The following PRKCE variants were observed in gnomAD, a reference collection of about 807,000 sequenced individuals.
PRKCE encodes protein kinase C epsilon type.
Under a neutral mutation model 85.4 loss-of-function variants are expected in PRKCE, and 16 were observed. The observed-to-expected ratio is 0.19, with a 90% CI of 0.13 to 0.28. The LOEUF (loss-of-function observed/expected upper bound fraction) is 0.28, where lower values mean the gene tolerates loss of function less well. PRKCE is among the 10% of genes least tolerant of loss of function. The pLI is 1.00. For synonymous variants in PRKCE, 388 were observed against 371.5 expected, an observed-to-expected ratio of 1.04 and a Z score of -0.51; for missense variants, 573 against 975.2, an observed-to-expected ratio of 0.59 and a Z score of 5.49.
chr2:45,892,076 C>T (rs1695763301), intron 2 of PRKCE, among the ~76,000 whole-genome samples: 1 of 152,240 alleles, frequency 6.6e-6, no homozygotes, highest in African/African-American at 2.4e-5. Context: ...AGCTTCTCTC[C>T]ATGTAAGCAG....
intron 2 of PRKCE, among the ~76,000 whole-genome samples, chr2:45,955,086 C>G (rs1395474337): frequency 6.6e-6 from 1 of 151,684 alleles, no homozygotes; most frequent in African/African-American, 2.4e-5. Context: ...CGCACTCCAT[C>G]AAGTACTCCA....
At chr2:45,790,187 GAGAGCA>G (rs1298016869) in intron 1 of PRKCE, among the ~76,000 whole-genome samples, 2 of 152,204 alleles carry the variant, frequency 1.3e-5, no homozygotes, top group Non-Finnish European at 2.9e-5. Context: ...ATGCATAAAT[GAGAGCA>G]TCCTTCAGCC....
intron 10 of PRKCE, among the ~76,000 whole-genome samples, chr2:46,020,478 A>C (rs1030465478): frequency 6.6e-6 from 1 of 152,078 alleles, no homozygotes; most frequent in South Asian, 2.1e-4. Context: ...GAAGGTCTCC[A>C]TTACAAATGT....
At chr2:45,718,370 G>C (rs1680325999) in intron 1 of PRKCE, among the ~76,000 whole-genome samples, 1 of 131,316 alleles carries the variant, frequency 7.6e-6, no homozygotes, top group Admixed American at 8.5e-5. Flanking sequence ...TTTTGAGACA[G>C]AGTCTTGCTC....
chr2:45,789,189 C>T (rs1686847568), intron 1 of PRKCE, among the ~76,000 whole-genome samples: 1 of 151,992 alleles, frequency 6.6e-6, no homozygotes, highest in Admixed American at 6.6e-5. Flanking sequence ...TGCTTGAGGA[C>T]AGGAGTTCAA....
intron 2 of PRKCE, among the ~76,000 whole-genome samples, chr2:45,870,357 T>A (rs1423001363): frequency 6.6e-6 from 1 of 152,200 alleles, no homozygotes; most frequent in Non-Finnish European, 1.5e-5. Context: ...ACTCAGCTAT[T>A]AGCAGCACGC....
At position 45,652,083 on chromosome 2, in the gene PRKCE, C is replaced by T. The variant is rs371492921; in HGVS notation, c.-18C>T. 12 of 1,469,446 alleles carry T rather than the reference C, an allele frequency of 8.2e-6. No individual in the cohort carries two copies. Among genetic ancestry groups the T allele is most frequent in the Non-Finnish European group, 1.0e-5 (11 of 1,082,008 alleles). The allele number at this position is 1,469,446 out of a possible 1,614,324, so 91.0% of individuals were successfully genotyped here. A position where few individuals can be genotyped will look rare whatever the true frequency, so the allele number is the denominator to read the frequency against. On this transcript the variant is annotated 5_prime_UTR_variant, in exon 1 of 15. Transcript: ENST00000306156. This position sits in a 1 kb window ranked among gnomAD's most constrained non-coding sequence, Gnocchi z 7.7. ...GGGGCAGACGGAGTGACCCCGGCCC[C>T]CACTCCCCGCCCCGACCATGGTAGT...
intron 1 of PRKCE, among the ~76,000 whole-genome samples, chr2:45,756,483 C>T (rs968268494): frequency 6.6e-6 from 1 of 152,208 alleles, no homozygotes; most frequent in Non-Finnish European, 1.5e-5. Context: ...AGCCATTTCA[C>T]TCTAGGCCTT....
At chr2:45,724,301 C>A (rs2104489895) in intron 1 of PRKCE, among the ~76,000 whole-genome samples, 1 of 152,218 alleles carries the variant, frequency 6.6e-6, no homozygotes, top group East Asian at 1.9e-4. Flanking sequence ...CGTGAATTGC[C>A]CCCATATAAG....
chr2:45,775,532 G>T (rs752483554), intron 1 of PRKCE, among the ~76,000 whole-genome samples: 7 of 152,322 alleles, frequency 4.6e-5, no homozygotes, highest in Non-Finnish European at 8.8e-5. Flanking sequence ...CTCCCTGGAA[G>T]ATGGAAAGTG....
intron 13 of PRKCE, among the ~76,000 whole-genome samples, chr2:46,153,473 G>T (rs1387042751): frequency 1.3e-5 from 2 of 152,186 alleles, no homozygotes; most frequent in South Asian, 2.1e-4. Context: ...ACATGCAGAG[G>T]CTCAGGAAAT....
intron 1 of PRKCE, among the ~76,000 whole-genome samples, chr2:45,761,994 G>A (rs540319853): frequency 6.6e-6 from 1 of 152,262 alleles, no homozygotes; most frequent in South Asian, 2.1e-4. Flanking sequence ...GCATTGATGA[G>A]GGGTCCCTCC....
At chr2:46,104,383 A>G (rs778749002) in intron 11 of PRKCE, among the ~76,000 whole-genome samples, 1 of 150,428 alleles carries the variant, frequency 6.6e-6, no homozygotes, top group Non-Finnish European at 1.5e-5. Context: ...GTCATGCACA[A>G]CATCTCAAAA....
rs1038410472 is a variant in PRKCE, at chr2:45,774,937, T to A, written c.349-68063T>A. On this transcript the variant is annotated intron_variant, in intron 1 of 14. Coordinates refer to ENST00000306156, the MANE Select transcript of PRKCE (RefSeq NM_005400.3). The surrounding 1 kb of genome is among the most constrained non-coding windows in gnomAD (Gnocchi z 4.3). The stretch of plus-strand genomic sequence containing the variant: ...CAAGGGTGTGGTGAAGGAAGTTGTT[T>A]TTCTTAATGGTAAACAGGATAGTAA... Among the ~76,000 whole-genome samples, 1 of 152,146 alleles carries A rather than the reference T, an allele frequency of 6.6e-6. No individual in the cohort carries two copies. Among genetic ancestry groups the A allele is most frequent in the Non-Finnish European group, 1.5e-5 (1 of 68,024 alleles).
chr2:45,829,802 G>A (rs1279651128), intron 1 of PRKCE, among the ~76,000 whole-genome samples: 6 of 152,038 alleles, frequency 3.9e-5, no homozygotes, highest in Admixed American at 6.5e-5. Context: ...GGCCGGGCGC[G>A]GTGGCTCACG....
intron 1 of PRKCE, among the ~76,000 whole-genome samples, chr2:45,680,148 C>T (rs1676775653): frequency 1.3e-5 from 2 of 152,190 alleles, no homozygotes; most frequent in Admixed American, 1.3e-4. Flanking sequence ...ATTCTAGAAA[C>T]AATAGATGTC....
intron 1 of PRKCE, among the ~76,000 whole-genome samples, chr2:45,683,583 A>G (rs919275276): frequency 2.6e-5 from 4 of 152,258 alleles, no homozygotes; most frequent in African/African-American, 9.6e-5. Flanking sequence ...CTAGTTGGAA[A>G]GAATGAGAGA....
intron 10 of PRKCE, among the ~76,000 whole-genome samples, chr2:46,036,926 G>T (rs1199195703): frequency 6.6e-6 from 1 of 152,162 alleles, no homozygotes; most frequent in Non-Finnish European, 1.5e-5. Flanking sequence ...TGGAAGCCTG[G>T]CTGTCCCCCA....
At chr2:45,758,631 C>G (rs985008358) in intron 1 of PRKCE, among the ~76,000 whole-genome samples, 1 of 152,222 alleles carries the variant, frequency 6.6e-6, no homozygotes, top group Non-Finnish European at 1.5e-5. Flanking sequence ...GGCCCTTCCT[C>G]CCCTACTGCC....
Sources: gnomAD v4.1 joint callset for allele counts (sites outside exome capture counted in the v4.1 genomes callset) on GRCh38, gnomAD v4.1.1 for gene constraint, Gnocchi (gnomAD v3.1) non-coding constraint, MANE v1.5 for transcripts, NCBI Gene and HGNC (gene_info 2026-07-23, HGNC 2026-07-21) for gene names.